The following GRK4 variants were observed in gnomAD, a reference collection of about 807,000 sequenced individuals.
GRK4 encodes G protein-coupled receptor kinase 4.
Under a neutral mutation model 77.9 loss-of-function variants are expected in GRK4, and 73 were observed. That is an observed-to-expected ratio of 0.94 (90% CI 0.78 to 1.14). The LOEUF (loss-of-function observed/expected upper bound fraction) is 1.14, where lower values mean the gene tolerates loss of function less well. Among genes scored for constraint, GRK4 ranks in the 50% most tolerant of loss-of-function variants. The pLI, the probability that GRK4 is intolerant of heterozygous loss-of-function variation, is 0.00. For synonymous variants in GRK4, 257 were observed against 254.4 expected, an observed-to-expected ratio of 1.01 and a Z score of -0.10; for missense variants, 729 against 700.2, an observed-to-expected ratio of 1.04 and a Z score of -0.46.
At chr4:2,969,814 A>G (rs1276322497) in intron 1 of GRK4, among the ~76,000 whole-genome samples, 1 of 151,818 alleles carries the variant, frequency 6.6e-6, no homozygotes, top group Non-Finnish European at 1.5e-5. Flanking sequence ...AGTGGCTGGG[A>G]CCACAGGCAT....
At chr4:3,025,387 ATTTTTT>A (rs71180111) in intron 10 of GRK4, among the ~76,000 whole-genome samples, 2 of 112,224 alleles carry the variant, frequency 1.8e-5, no homozygotes, top group South Asian at 2.7e-4. Context: ...TAGCGATCTA[ATTTTTT>A]TTTTTTTTTT....
intron 8 of GRK4, among the ~76,000 whole-genome samples, chr4:3,015,979 G>A (rs1578266294): frequency 6.7e-6 from 1 of 150,296 alleles, no homozygotes; most frequent in Non-Finnish European, 1.5e-5. Context: ...CGCGATCTTG[G>A]CTCACTGCAA....
intron 2 of GRK4, among the ~76,000 whole-genome samples, chr4:2,985,108 C>A (rs924606192): frequency 6.6e-6 from 1 of 151,976 alleles, no homozygotes; most frequent in African/African-American, 2.4e-5. Context: ...TTTCTATGCA[C>A]GTTTTAAAAA....
intron 9 of GRK4, among the ~76,000 whole-genome samples, chr4:3,020,826 A>AAG (rs1735872864): frequency 6.6e-6 from 1 of 151,654 alleles, no homozygotes; most frequent in African/African-American, 2.4e-5. Flanking sequence ...TTCAGAAAAA[A>AAG]AAGGATGCTT....
chr4:3,026,857 AT>A (rs2110031340), intron 10 of GRK4, among the ~76,000 whole-genome samples: 1 of 152,312 alleles, frequency 6.6e-6, no homozygotes, highest in East Asian at 1.9e-4. Flanking sequence ...CATGTCGCAT[AT>A]TTTTAGTTTT....
At chr4:2,988,900 A>C in intron 3 of GRK4, 61 bp downstream of exon 3, 1 of 1,136,524 alleles carries the variant, frequency 8.8e-7, no homozygotes, top group Non-Finnish European at 1.3e-6. Context: ...AAATGTAAAA[A>C]CTTGGCCAGG....
chr4:2,978,531 G>T (rs1385311906), intron 1 of GRK4, among the ~76,000 whole-genome samples: 1 of 152,210 alleles, frequency 6.6e-6, no homozygotes, highest in Non-Finnish European at 1.5e-5. Context: ...AAGCTGCTTG[G>T]AAACAGAGTT....
chr4:2,997,481 TCAA>T (rs1728273649), intron 4 of GRK4, among the ~76,000 whole-genome samples: 1 of 152,070 alleles, frequency 6.6e-6, no homozygotes, highest in Non-Finnish European at 1.5e-5. Context: ...CAATTAAACG[TCAA>T]CATGAGCTTT....
intron 1 of GRK4, among the ~76,000 whole-genome samples, chr4:2,981,302 A>G (rs998571608): frequency 6.6e-6 from 1 of 152,190 alleles, no homozygotes; most frequent in African/African-American, 2.4e-5. Context: ...CCCACCATTC[A>G]GTGGGTCCCA....
intron 4 of GRK4, among the ~76,000 whole-genome samples, chr4:2,996,647 A>C (rs952383708): frequency 3.3e-5 from 5 of 152,072 alleles, no homozygotes; most frequent in African/African-American, 9.7e-5. Context: ...GGGATAGACA[A>C]ATGTTTAGAT....
chr4:3,007,704 A>C, intron 5 of GRK4, 32 bp from the exon 6 acceptor site: 1 of 1,365,976 alleles, frequency 7.3e-7, no homozygotes, highest in South Asian at 1.3e-5. Flanking sequence ...TAATACAACA[A>C]ATGTATATAA....
At chr4:3,026,849 T>C (rs1347870222) in intron 10 of GRK4, among the ~76,000 whole-genome samples, 1 of 152,244 alleles carries the variant, frequency 6.6e-6, no homozygotes, top group Non-Finnish European at 1.5e-5. Context: ...TTGGAGGGCA[T>C]GTCGCATATT....
chr4:2,965,986 G>A (rs1717531000), intron 1 of GRK4: 1 of 167,796 alleles, frequency 6.0e-6, no homozygotes, highest in Admixed American at 5.4e-5. Context: ...TTACAAAAAG[G>A]AACTATACCA....
intron 8 of GRK4, among the ~76,000 whole-genome samples, chr4:3,015,461 G>A (rs987465526): frequency 9.9e-5 from 15 of 152,152 alleles, no homozygotes; most frequent in South Asian, 2.1e-4. Flanking sequence ...CGAGGCAGGC[G>A]TCAGGAGATC....
intron 15 of GRK4, among the ~76,000 whole-genome samples, chr4:3,039,133 G>C (rs767838910): frequency 3.3e-5 from 5 of 150,930 alleles, no homozygotes; most frequent in Non-Finnish European, 7.4e-5. Flanking sequence ...GGAGAATCGC[G>C]TGAACCCAGG....
intron 1 of GRK4, among the ~76,000 whole-genome samples, chr4:2,981,092 C>T (rs1218891308): frequency 2.0e-5 from 3 of 152,222 alleles, no homozygotes; most frequent in Non-Finnish European, 2.9e-5. Flanking sequence ...CCAGGGAATG[C>T]GGTGGCGCCC....
intron 12 of GRK4, among the ~76,000 whole-genome samples, chr4:3,029,782 C>T (rs1738650373): frequency 2.0e-5 from 3 of 152,196 alleles, no homozygotes; most frequent in Admixed American, 6.5e-5. Context: ...GCAGGGAGGA[C>T]ACGTTTGCTT....
intron 13 of GRK4, among the ~76,000 whole-genome samples, chr4:3,037,077 G>GTA (rs1364828689): frequency 2.7e-5 from 3 of 109,336 alleles, no homozygotes; most frequent in African/African-American, 4.7e-5. Flanking sequence ...GTGTATGTGT[G>GTA]TGTGTATGTG....
At chr4:2,973,021 C>T (rs1720039680) in intron 1 of GRK4, among the ~76,000 whole-genome samples, 1 of 152,220 alleles carries the variant, frequency 6.6e-6, no homozygotes, top group African/African-American at 2.4e-5. Context: ...AAGTGTGAGC[C>T]ACTGCACCTG....
Sources: gnomAD v4.1 joint callset for allele counts (sites outside exome capture counted in the v4.1 genomes callset) on GRCh38, gnomAD v4.1.1 for gene constraint, MANE v1.5 for transcripts, NCBI Gene and HGNC (gene_info 2026-07-23, HGNC 2026-07-21) for gene names.